Variants in LRP1B observed in about 807,000 individuals in gnomAD.
LRP1B encodes the protein LDL receptor related protein 1B.
A neutral mutation model predicts 556.6 loss-of-function variants in LRP1B; 217 were observed. The observed-to-expected ratio is 0.39, with a 90% confidence interval of 0.35 to 0.44. LRP1B has a LOEUF of 0.44. Among genes scored for constraint, LRP1B ranks in the 20% least tolerant of loss-of-function variants. LRP1B has a pLI of 1.00. For missense variants in LRP1B, 5,053 were observed against 5,620.8 expected, an observed-to-expected ratio of 0.90 and a Z score of 3.23; for synonymous variants, 2,047 against 1,865.8, an observed-to-expected ratio of 1.10 and a Z score of -2.50.
intron 3 of LRP1B, among the ~76,000 whole-genome samples, chr2:141,348,777 T>A (rs1020162568): frequency 1.3e-5 from 2 of 152,050 alleles, no homozygotes; most frequent in African/African-American, 4.8e-5. Flanking sequence ...CCCAGCCAAA[T>A]GTCATTTTGA....
intron 66 of LRP1B, among the ~76,000 whole-genome samples, chr2:140,427,279 G>A (rs574337465): frequency 4.6e-5 from 7 of 152,144 alleles, no homozygotes; most frequent in South Asian, 2.1e-4. Context: ...AGTCAATTGC[G>A]AGGACGCCTG....
intron 86 of LRP1B, among the ~76,000 whole-genome samples, chr2:140,259,988 TAAAC>T (rs1415161043): frequency 2.6e-5 from 4 of 151,726 alleles, no homozygotes; most frequent in Admixed American, 1.3e-4. Flanking sequence ...CCCAAAAAGA[TAAAC>T]AAAAAACAGA....
At chr2:141,015,190 T>G (rs762303352) in intron 13 of LRP1B, among the ~76,000 whole-genome samples, 10 of 152,054 alleles carry the variant, frequency 6.6e-5, no homozygotes, top group Non-Finnish European at 1.5e-4. Flanking sequence ...CATTTTGCAG[T>G]TACTCTAGCA....
At position 140,861,029 on chromosome 2, in the gene LRP1B, A is replaced by G. The variant is rs562268484; in HGVS notation, c.4579+6561T>C. On this transcript the variant is annotated intron_variant, in intron 27 of 90. Coordinates refer to ENST00000389484, the MANE Select transcript of LRP1B (RefSeq NM_018557.3). ...ATCTATCTATCTATCTATCTATCTA[A>G]TTTATCTAATTTATCTATTTAAGTT... Among the ~76,000 whole-genome samples, 53 of 128,264 alleles carry G rather than the reference A, an allele frequency of 4.1e-4. 1 individual carries two copies. The South Asian group carries it at 0.013, about 30-fold the overall frequency. 84.1% of individuals were successfully genotyped at this position (128,264 alleles called of 152,430 possible). A position where few individuals can be genotyped will look rare whatever the true frequency, so the allele number is the denominator to read the frequency against.
At chr2:141,727,872 A>T (rs13017419) in intron 2 of LRP1B, among the ~76,000 whole-genome samples, 19,904 of 152,098 alleles carry the variant, frequency 0.13, 1,563 homozygotes, top group East Asian at 0.25. Flanking sequence ...AGTTGTGCAA[A>T]AACTTCCAAG....
In LRP1B at chr2:140,813,724, A is replaced by C. The variant is rs2105036442; in HGVS notation, c.5292T>G (p.Gly1764=). 6.2e-6 allele frequency: 10 copies of C among 1,611,616 alleles called. No individual in the cohort carries two copies. Among genetic ancestry groups the C allele is most frequent in the Admixed American group, 1.7e-5 (1 of 59,962 alleles). ...TTGACTCGATTACTTCTAAATTACC[A>C]CCATCCAGGTTGCATCTATTTATGG... ...NGTINRCNLD[G]GNLEVIESMK... is the part of the protein sequence containing the mutation. The change falls in exon 32 of 91, where the codon GGT becomes GGG. Residue 1764 remains glycine, a synonymous_variant. Coordinates refer to ENST00000389484, the MANE Select transcript of LRP1B (RefSeq NM_018557.3).
At chr2:141,487,616 T>G (rs144136196) in intron 2 of LRP1B, among the ~76,000 whole-genome samples, 2 of 152,238 alleles carry the variant, frequency 1.3e-5, no homozygotes, top group African/African-American at 4.8e-5. Context: ...TTTTAAGTAT[T>G]TATACACTAC....
chr2:141,329,127 C>T (rs954151817), intron 3 of LRP1B, among the ~76,000 whole-genome samples: 16 of 152,084 alleles, frequency 1.1e-4, no homozygotes, highest in Non-Finnish European at 2.2e-4. Flanking sequence ...GTGGCTTATG[C>T]CTGTAATCAC....
chr2:141,161,788 C>T (rs531786376), intron 7 of LRP1B, among the ~76,000 whole-genome samples: 1 of 152,170 alleles, frequency 6.6e-6, no homozygotes, highest in East Asian at 1.9e-4. Flanking sequence ...ACTCAGGATG[C>T]TCAGCTATGA....
At chr2:141,818,433 C>T (rs1478837512) in intron 1 of LRP1B, among the ~76,000 whole-genome samples, 1 of 150,092 alleles carries the variant, frequency 6.7e-6, no homozygotes, top group African/African-American at 2.4e-5. Context: ...GGTCTTCTTT[C>T]TAAATACTTT....
intron 60 of LRP1B, among the ~76,000 whole-genome samples, chr2:140,466,392 C>A (rs991717250): frequency 6.6e-6 from 1 of 152,104 alleles, no homozygotes; most frequent in Admixed American, 6.6e-5. Context: ...AAACACAGAA[C>A]TGCCCCCTCA....
intron 1 of LRP1B, among the ~76,000 whole-genome samples, chr2:142,053,024 A>G (rs1048677420): frequency 1.3e-5 from 2 of 152,136 alleles, no homozygotes; most frequent in African/African-American, 4.8e-5. Flanking sequence ...GCTTAGATCC[A>G]TCATAAGGCA....
At chr2:141,745,159 G>C (rs1313651083) in intron 2 of LRP1B, among the ~76,000 whole-genome samples, 1 of 152,020 alleles carries the variant, frequency 6.6e-6, no homozygotes, top group East Asian at 1.9e-4. Flanking sequence ...ATAGCACTGG[G>C]TCTCACCCAA....
intron 3 of LRP1B, among the ~76,000 whole-genome samples, chr2:141,388,323 C>A (rs982256698): frequency 2.0e-5 from 3 of 152,106 alleles, no homozygotes; most frequent in South Asian, 4.1e-4. Context: ...GTAATCCCAG[C>A]TACTTGGGAG....
intron 18 of LRP1B, among the ~76,000 whole-genome samples, chr2:140,957,586 T>C (rs189483553): frequency 2.4e-4 from 37 of 151,798 alleles, no homozygotes; most frequent in Admixed American, 7.2e-4. Context: ...TATTTCAATA[T>C]ATAGGTAAAT....
At chr2:140,603,910 A>G (rs1682767513) in intron 41 of LRP1B, among the ~76,000 whole-genome samples, 1 of 152,054 alleles carries the variant, frequency 6.6e-6, no homozygotes, top group African/African-American at 2.4e-5. Flanking sequence ...CATATTTCTC[A>G]ATTTTGTGAT....
chr2:141,289,983 TATGA>T (rs1558984445), intron 3 of LRP1B, among the ~76,000 whole-genome samples: 1 of 152,192 alleles, frequency 6.6e-6, no homozygotes, highest in Non-Finnish European at 1.5e-5. Flanking sequence ...TTCTATCATT[TATGA>T]ATGAAGAACT....
chr2:141,841,452 A>C (rs536372989), intron 1 of LRP1B, among the ~76,000 whole-genome samples: 1 of 152,274 alleles, frequency 6.6e-6, no homozygotes, highest in South Asian at 2.1e-4. Context: ...TTCCTTCATA[A>C]TGCTTACATA....
At chr2:142,005,982 G>GA (rs1286296706) in intron 1 of LRP1B, among the ~76,000 whole-genome samples, 3 of 151,508 alleles carry the variant, frequency 2.0e-5, no homozygotes, top group Non-Finnish European at 2.9e-5. Context: ...AAACAGAACA[G>GA]AAAAAATGCC....
Sources: allele counts gnomAD v4.1 joint callset (sites outside exome capture counted in the v4.1 genomes callset), GRCh38; gene constraint gnomAD v4.1.1; transcripts MANE v1.5; gene names NCBI Gene and HGNC (gene_info 2026-07-23, HGNC 2026-07-21).